Variants in EPHA6 observed in about 807,000 individuals in gnomAD.
The protein encoded by EPHA6 is ephrin type-A receptor 6.
Under a neutral mutation model 112.0 loss-of-function variants are expected in EPHA6, and 50 were observed. That is an observed-to-expected ratio of 0.45 (90% CI 0.36 to 0.56). EPHA6 has a LOEUF of 0.56. Ranked by LOEUF, EPHA6 falls within the 20% of genes least tolerant of loss-of-function variation. The pLI is 0.00. For missense variants in EPHA6, 1,280 were observed against 1,417.4 expected (o/e 0.90, Z 1.56); for synonymous variants, 529 against 490.7 (o/e 1.08, Z -1.03).
chr3:97,500,377 C>A (rs886274832), intron 10 of EPHA6, among the ~76,000 whole-genome samples: 1 of 151,994 alleles, frequency 6.6e-6, no homozygotes, highest in African/African-American at 2.4e-5. Flanking sequence ...CTGGGGAAGA[C>A]TCAGGAAATA....
chr3:97,049,952 C>T (rs955912249), intron 3 of EPHA6, among the ~76,000 whole-genome samples: 1 of 152,152 alleles, frequency 6.6e-6, no homozygotes, highest in Admixed American at 6.5e-5. Flanking sequence ...CAGAGAGAAA[C>T]ATCCAAACTA....
chr3:97,308,459 T>C (rs2081415196), intron 5 of EPHA6, among the ~76,000 whole-genome samples: 1 of 151,768 alleles, frequency 6.6e-6, no homozygotes, highest in Non-Finnish European at 1.5e-5. Flanking sequence ...TTAGTACTAC[T>C]GAGTAAATTT....
chr3:97,519,025 T>C lies in EPHA6; in HGVS notation c.2201-13333T>C, dbSNP rs138230905. On this transcript the variant is annotated intron_variant, in intron 10 of 17. Coordinates refer to ENST00000389672, the MANE Select transcript of EPHA6 (RefSeq NM_001080448.3). ...AATAGTACCATTTGTCTACTTTTCT[T>C]TTTGATGCCTGTGCGTTTAAGTACT... Among the ~76,000 whole-genome samples the C allele has an allele frequency of 8.1e-3, 1,226 of 152,284 alleles. 4 individuals carry two copies. Among genetic ancestry groups the C allele is most frequent in the Non-Finnish European group, 0.012 (847 of 68,000 alleles).
At chr3:97,570,877 G>T (rs543516290) in intron 11 of EPHA6, among the ~76,000 whole-genome samples, 30 of 152,262 alleles carry the variant, frequency 2.0e-4, no homozygotes, top group South Asian at 1.0e-3. Flanking sequence ...TAAGCTAGAG[G>T]TTAAATTCAG....
In EPHA6 at chr3:97,226,398, C is replaced by G; in HGVS notation, c.1249C>G (p.Pro417Ala). 2 of 1,613,134 alleles carry G rather than the reference C, an allele frequency of 1.2e-6. No homozygotes were observed. The highest frequency in any genetic ancestry group is 2.2e-5 in the East Asian group (1 of 44,842). Residue 417 changes from proline to alanine, a missense_variant, in exon 4 of 18, where the codon CCA becomes GCA. Coordinates refer to ENST00000389672, the MANE Select transcript of EPHA6 (RefSeq NM_001080448.3). The stretch of plus-strand genomic sequence containing the variant: ...GGGTTATTTCCGAGCTGAAAAAGAC[C>G]CACCTTCTATGGCATGTACCAGTAA... ...EKGYFRAEKDPPSMACTRPPS... is the reference protein window; with the variant it reads ...EKGYFRAEKDAPSMACTRPPS...
chr3:97,470,485 A>G (rs2107440613), intron 7 of EPHA6, among the ~76,000 whole-genome samples: 1 of 151,870 alleles, frequency 6.6e-6, no homozygotes, highest in Non-Finnish European at 1.5e-5. Context: ...AATACAAATA[A>G]CAGATTTTAC....
chr3:97,629,632 AT>A (rs1485529465), intron 13 of EPHA6, among the ~76,000 whole-genome samples: 3 of 152,076 alleles, frequency 2.0e-5, no homozygotes, highest in Non-Finnish European at 2.9e-5. Flanking sequence ...AATTCTATGT[AT>A]TTTTCCTGAA....
At chr3:97,159,259 A>G (rs551638188) in intron 3 of EPHA6, among the ~76,000 whole-genome samples, 5 of 152,242 alleles carry the variant, frequency 3.3e-5, no homozygotes, top group African/African-American at 7.2e-5. Flanking sequence ...GTCAGGATCA[A>G]TCCCTCCAGC....
intron 3 of EPHA6, among the ~76,000 whole-genome samples, chr3:97,196,362 T>C (rs564400847): frequency 2.0e-4 from 30 of 152,126 alleles, no homozygotes; most frequent in South Asian, 6.2e-4. Flanking sequence ...TAAACTTATC[T>C]GACAGGATTC....
In EPHA6 at chr3:97,283,683, T is replaced by C. The variant is rs539024543; in HGVS notation, c.1606+39396T>C. 3.9e-5 allele frequency among the ~76,000 whole-genome samples: 6 copies of C among 152,214 alleles called. No individual in the cohort carries two copies. The South Asian group carries it at 1.2e-3, about 32-fold the overall frequency. On this transcript the variant is annotated intron_variant, in intron 5 of 17. Coordinates refer to ENST00000389672, the MANE Select transcript of EPHA6 (RefSeq NM_001080448.3). ...AGGGGCTTAAAACCTAGATGATGGG[T>C]TGATAGGTGCAGCAAACCACCATGA... is the stretch of plus-strand genomic sequence containing the variant.
chr3:97,408,132 G>A, intron 6 of EPHA6, among the ~76,000 whole-genome samples: 1 of 152,024 alleles, frequency 6.6e-6, no homozygotes, highest in East Asian at 1.9e-4. Context: ...AAAGAGAGGG[G>A]AAGGAGAGGG....
intron 3 of EPHA6, among the ~76,000 whole-genome samples, chr3:97,186,338 A>T (rs565548622): frequency 6.6e-6 from 1 of 152,208 alleles, no homozygotes; most frequent in South Asian, 2.1e-4. Context: ...CTTTACTGGT[A>T]CTATTCTCAG....
intron 14 of EPHA6, among the ~76,000 whole-genome samples, chr3:97,668,237 A>G (rs1226449838): frequency 6.6e-6 from 1 of 152,222 alleles, no homozygotes; most frequent in Non-Finnish European, 1.5e-5. Flanking sequence ...CATGTATTAA[A>G]TGAATATTAA....
At chr3:97,736,943 C>T (rs1321110196) in intron 16 of EPHA6, among the ~76,000 whole-genome samples, 1 of 152,016 alleles carries the variant, frequency 6.6e-6, no homozygotes, top group East Asian at 1.9e-4. Flanking sequence ...GCTCTTCAGA[C>T]ATTCACCTTC....
At chr3:97,127,069 A>G (rs1438657213) in intron 3 of EPHA6, among the ~76,000 whole-genome samples, 1 of 152,132 alleles carries the variant, frequency 6.6e-6, no homozygotes, top group African/African-American at 2.4e-5. Context: ...AACAAGAGAA[A>G]AACATACAAA....
At chr3:97,384,800 A>T (rs1248127333) in intron 5 of EPHA6, among the ~76,000 whole-genome samples, 4 of 152,142 alleles carry the variant, frequency 2.6e-5, no homozygotes, top group African/African-American at 9.7e-5. Context: ...TTTCCCAAAC[A>T]TAGTTGACTA....
At chr3:97,548,578 A>G (rs1301720756) in intron 11 of EPHA6, among the ~76,000 whole-genome samples, 2 of 152,184 alleles carry the variant, frequency 1.3e-5, no homozygotes, top group South Asian at 2.1e-4. Context: ...GTCAATTAGA[A>G]TTCTTCTCTA....
intron 6 of EPHA6, among the ~76,000 whole-genome samples, chr3:97,428,746 G>T (rs371963713): frequency 9.2e-5 from 14 of 152,112 alleles, no homozygotes; most frequent in African/African-American, 3.1e-4. Context: ...TTACCTGAAG[G>T]TTCACCTGAA....
chr3:96,833,774 G>T (rs2034233061), intron 1 of EPHA6, among the ~76,000 whole-genome samples: 2 of 151,924 alleles, frequency 1.3e-5, no homozygotes, highest in Non-Finnish European at 2.9e-5. Context: ...TTATCATTTT[G>T]TTGCATTAAG....
Sources: gnomAD v4.1 joint callset for allele counts (sites outside exome capture counted in the v4.1 genomes callset) on GRCh38, gnomAD v4.1.1 for gene constraint, MANE v1.5 for transcripts, NCBI Gene and HGNC (gene_info 2026-07-23, HGNC 2026-07-21) for gene names.